Variants in MAPK8IP3 observed in about 807,000 individuals in gnomAD.
MAPK8IP3 encodes C-Jun-amino-terminal kinase-interacting protein 3.
In MAPK8IP3, 49 loss-of-function variants were observed where a neutral mutation model predicts 157.8. The observed-to-expected ratio is 0.31, with a 90% CI of 0.25 to 0.39. The LOEUF (loss-of-function observed/expected upper bound fraction) is 0.39. Among genes scored for constraint, MAPK8IP3 ranks in the 10% least tolerant of loss-of-function variants. The pLI, the probability that MAPK8IP3 is intolerant of heterozygous loss-of-function variation, is 1.00. For missense variants in MAPK8IP3, 1,478 were observed against 1,889.4 expected, an observed-to-expected ratio of 0.78 and a Z score of 4.04; for synonymous variants, 897 against 777.7, an observed-to-expected ratio of 1.15 and a Z score of -2.55.
chr16:1,746,969 G>T (rs2041002426), intron 5 of MAPK8IP3, 60 bp from the exon 6 acceptor site: 1 of 1,575,206 alleles, frequency 6.3e-7, no homozygotes, highest in Non-Finnish European at 8.6e-7. Flanking sequence ...AGCCACGGCG[G>T]AGCCGCAGGC....
intron 5 of MAPK8IP3, 74 bp from the exon 6 acceptor site, chr16:1,746,955 A>T (rs1200573686): frequency 1.3e-6 from 2 of 1,539,206 alleles, no homozygotes; most frequent in Non-Finnish European, 1.8e-6. Flanking sequence ...GCGGGGCCTC[A>T]GGCAGCCACG....
At chr16:1,735,560 AC>A in intron 4 of MAPK8IP3, among the ~76,000 whole-genome samples, 1 of 126,684 alleles carries the variant, frequency 7.9e-6, no homozygotes, top group East Asian at 2.5e-4. Context: ...TGAGAGTGTG[AC>A]CGTCCATGTG....
chr16:1,735,699 CT>C (rs2039685353), intron 4 of MAPK8IP3, among the ~76,000 whole-genome samples: 2 of 131,942 alleles, frequency 1.5e-5, no homozygotes, highest in African/African-American at 2.9e-5. Flanking sequence ...GTCTGTGTGC[CT>C]GTCCGTGTGA....
At chr16:1,725,234 C>T (rs2038797085) in intron 2 of MAPK8IP3, among the ~76,000 whole-genome samples, 1 of 151,098 alleles carries the variant, frequency 6.6e-6, no homozygotes, top group East Asian at 1.9e-4. Flanking sequence ...TTAAACTCTA[C>T]TGTCAATGTT....
chr16:1,769,151 A>C lies in MAPK8IP3; in HGVS notation c.*327A>C. 1 of 346,038 alleles carries C rather than the reference A, an allele frequency of 2.9e-6. No individual in the cohort carries two copies. The allele number at this position is 346,038 out of a possible 1,614,324, so 21.4% of individuals were successfully genotyped here. A position where few individuals can be genotyped will look rare whatever the true frequency, so the allele number is the denominator to read the frequency against. On this transcript the variant is annotated 3_prime_UTR_variant, in exon 32 of 32. Coordinates refer to ENST00000610761, the MANE Select transcript of MAPK8IP3 (RefSeq NM_001318852.2). ...CAGAATCCGAGGTGGTCCTGGCTCTACCCTGGGCCTCCTACTCCCCAGCAC... is the reference window on the plus strand; with the variant it reads ...CAGAATCCGAGGTGGTCCTGGCTCTCCCCTGGGCCTCCTACTCCCCAGCAC...
rs1004449057 is a variant in MAPK8IP3, at chr16:1,743,615, T to C, written c.747+139T>C. The C allele has an allele frequency of 8.3e-6, 12 of 1,449,398 alleles. No homozygotes were observed. The Admixed American group carries it at 2.4e-4, about 28-fold the overall frequency. 89.8% of individuals were successfully genotyped at this position (1,449,398 alleles called of 1,614,324 possible). ...CCCTCTCCCTTCGTGTGTGGCAGGA[T>C]GGAGAAACCCAGCCAGGGTGTCAGG... On this transcript the variant is annotated intron_variant, in intron 5 of 31. Coordinates refer to ENST00000610761, the MANE Select transcript of MAPK8IP3 (RefSeq NM_001318852.2). This position sits in a 1 kb window ranked among gnomAD's most constrained non-coding sequence, Gnocchi z 5.6.
rs369023415 is a variant in MAPK8IP3, at chr16:1,764,156, C to G, written c.2067C>G (p.Asn689Lys). The G allele has an allele frequency of 1.2e-6, 2 of 1,611,760 alleles. No homozygotes were observed. Among genetic ancestry groups the G allele is most frequent in the Non-Finnish European group, 1.7e-6 (2 of 1,179,550 alleles). The change falls in exon 18 of 32, where the codon AAC becomes AAG. Residue 689 changes from asparagine (N) to lysine (K), a missense_variant. Around this residue, in one of 11 missense-constraint regions of MAPK8IP3, gnomAD observed 669 missense variants for 759.8 expected, o/e 0.88. Transcript: ENST00000610761. ...NGGQEDTRMKNVPVPVYCRPL... is the reference protein window; with the variant it reads ...NGGQEDTRMKKVPVPVYCRPL... ...GCCAGGAGGACACGCGGATGAAGAA[C>G]GTGCCGGTGCCGGTGTACTGCCGCC...
chr16:1,768,919 C>T lies in MAPK8IP3; in HGVS notation c.*95C>T, dbSNP rs2042452375. 1 of 1,397,786 alleles carries T rather than the reference C, an allele frequency of 7.2e-7. No individual in the cohort carries two copies. The highest frequency in any genetic ancestry group is 9.8e-7 in the Non-Finnish European group (1 of 1,022,796). The allele number at this position is 1,397,786 out of a possible 1,614,324, so 86.6% of individuals were successfully genotyped here. A position where few individuals can be genotyped will look rare whatever the true frequency, so the allele number is the denominator to read the frequency against. On this transcript the variant is annotated 3_prime_UTR_variant, in exon 32 of 32. Transcript: ENST00000610761. ...GGTAGCCAGCCAGGCGCCGCCGCCC[C>T]TCTTCTAACCTCTCAACCTGCAGCT...
chr16:1,742,907 G>A lies in MAPK8IP3; in HGVS notation c.603-425G>A, dbSNP rs1439227505. Reference sequence around the variant, plus strand: ...GGAGGCCGAGGCAGGCGGATCATCAGGTCAGGAGATCGAGACCATCCTGGC... The same window carrying A: ...GGAGGCCGAGGCAGGCGGATCATCAAGTCAGGAGATCGAGACCATCCTGGC... On this transcript the variant is annotated intron_variant, in intron 4 of 31. Transcript: ENST00000610761. The surrounding 1 kb of genome is among the most constrained non-coding windows in gnomAD (Gnocchi z 5.0). Among the ~76,000 whole-genome samples, 1 of 152,002 alleles carries A rather than the reference G, an allele frequency of 6.6e-6. No homozygotes were observed. The highest frequency in any genetic ancestry group is 1.9e-4 in the East Asian group (1 of 5,178).
At chr16:1,748,927 A>C in intron 8 of MAPK8IP3, 1 of 710,286 alleles carries the variant, frequency 1.4e-6, no homozygotes, top group South Asian at 1.4e-5. Flanking sequence ...AGGATGCCAA[A>C]ATCTGAGGCT....
chr16:1,764,438 C>T lies in MAPK8IP3; in HGVS notation c.2259C>T (p.His753=). The T allele has an allele frequency of 6.2e-7, 1 of 1,608,382 alleles. No homozygotes were observed. The highest frequency in any genetic ancestry group is 8.5e-7 in the Non-Finnish European group (1 of 1,178,968). Residue 753 remains histidine (H), a synonymous_variant, in exon 19 of 32, where the codon CAC becomes CAT. Transcript: ENST00000610761. ...GAGACGGCGAGCCCAAGAGCGCCCA[C>T]ACGTCTCCCGAGAAGAAGAAGGTGA... The part of the protein sequence containing the change: ...REGDGEPKSA[H]TSPEKKKAKE...
chr16:1,716,306 ATTTCTTT>A (rs1367819693), intron 1 of MAPK8IP3, among the ~76,000 whole-genome samples: 1 of 138,324 alleles, frequency 7.2e-6, no homozygotes, highest in Non-Finnish European at 1.5e-5. Context: ...CTCTCAGGTC[ATTTCTTT>A]TTTTTTTTTT....
In MAPK8IP3 at chr16:1,737,468, G is replaced by A. The variant is rs548090377; in HGVS notation, c.603-5864G>A. On this transcript the variant is annotated intron_variant, in intron 4 of 31. Transcript: ENST00000610761. ...TCCGTGTGAGTGTGACCACCCATGT[G>A]AGCATCTGTGTGACCGTCCGTGTGA... Among the ~76,000 whole-genome samples the A allele has an allele frequency of 1.7e-3, 171 of 101,816 alleles. 9 individuals carry two copies. Among genetic ancestry groups the A allele is most frequent in the African/African-American group, 6.2e-3 (158 of 25,416 alleles). The allele number at this position is 101,816 out of a possible 152,430, so 66.8% of individuals were successfully genotyped here. A position where few individuals can be genotyped will look rare whatever the true frequency, so the allele number is the denominator to read the frequency against.
At chr16:1,765,366 C>G (rs1006336061) in intron 20 of MAPK8IP3, among the ~76,000 whole-genome samples, 188 bp downstream of exon 20, 2 of 152,210 alleles carry the variant, frequency 1.3e-5, no homozygotes, top group Non-Finnish European at 2.9e-5. Context: ...GGAGGAAGCT[C>G]GCGGCAGCCT....
chr16:1,769,010 G>C lies in MAPK8IP3; in HGVS notation c.*186G>C, dbSNP rs2042457453. ...GGATGCGGATCAGCTGGGAGGAGGA[G>C]GGGAGGGGAACTTCCACCCGAGGGG... On this transcript the variant is annotated 3_prime_UTR_variant, in exon 32 of 32. Coordinates refer to ENST00000610761, the MANE Select transcript of MAPK8IP3 (RefSeq NM_001318852.2). 6 of 671,632 alleles carry C rather than the reference G, an allele frequency of 8.9e-6. No homozygotes were observed. In the South Asian group the frequency reaches 9.5e-5, roughly 11 times the overall value. The allele number at this position is 671,632 out of a possible 1,614,324, so 41.6% of individuals were successfully genotyped here.
chr16:1,733,095 T>G (rs2039422509), intron 4 of MAPK8IP3, among the ~76,000 whole-genome samples: 1 of 152,172 alleles, frequency 6.6e-6, no homozygotes, highest in African/African-American at 2.4e-5. Flanking sequence ...CCGGGATCTT[T>G]GTGTTGTTTT....
intron 4 of MAPK8IP3, among the ~76,000 whole-genome samples, chr16:1,732,023 G>C (rs1216631343): frequency 2.0e-5 from 3 of 152,142 alleles, no homozygotes; most frequent in Admixed American, 2.0e-4. Context: ...TCCGTTTTCT[G>C]TGCCCTTTGA....
chr16:1,717,533 C>T (rs2038235244), intron 1 of MAPK8IP3, among the ~76,000 whole-genome samples: 1 of 152,206 alleles, frequency 6.6e-6, no homozygotes, highest in African/African-American at 2.4e-5. Flanking sequence ...AGATGCCACA[C>T]AGCATTTCAC....
intron 30 of MAPK8IP3, 33 bp from the exon 31 acceptor site, chr16:1,768,444 G>T (rs1424727034): frequency 6.3e-7 from 1 of 1,589,994 alleles, no homozygotes; most frequent in Non-Finnish European, 8.5e-7. Context: ...TCCCCCAGGA[G>T]GCCGCTGTCC....
Sources: gnomAD v4.1 joint callset for allele counts (sites outside exome capture counted in the v4.1 genomes callset) on GRCh38, gnomAD v4.1.1 for gene constraint, gnomAD v4.1.1 regional missense constraint, Gnocchi (gnomAD v3.1) non-coding constraint, MANE v1.5 for transcripts, NCBI Gene and HGNC (gene_info 2026-07-23, HGNC 2026-07-21) for gene names.